SPTSSA: variants seen among roughly 807,000 people sequenced by gnomAD.
SPTSSA encodes the protein serine palmitoyltransferase small subunit A.
SPTSSA carries 8 observed loss-of-function variants against 9.1 expected under a neutral mutation model. The ratio of observed to expected loss-of-function variants is 0.88; its 90% CI spans 0.51 to 1.58. The LOEUF (loss-of-function observed/expected upper bound fraction) is 1.58, where lower values mean the gene tolerates loss of function less well. Among genes scored for constraint, SPTSSA ranks in the 40% most tolerant of loss-of-function variants. The pLI is 0.00. For synonymous variants in SPTSSA, 42 were observed against 37.7 expected, an observed-to-expected ratio of 1.11 and a Z score of -0.41; for missense variants, 100 against 93.8, an observed-to-expected ratio of 1.07 and a Z score of -0.27.
Position 34,443,541 on chromosome 14 carries a change from G to T in SPTSSA, c.113-8237C>A, listed in dbSNP as rs201507945. 3.6e-3 allele frequency among the ~76,000 whole-genome samples: 240 copies of T among 66,818 alleles called. 27 individuals carry two copies. The East Asian group carries it at 0.053, about 15-fold the overall frequency. The allele number at this position is 66,818 out of a possible 152,430, so 43.8% of individuals were successfully genotyped here. ...TGTGTGTGTGTGTGTGTGTGTGTGT[G>T]TGTGTGTGTTTTGAGATGGAGTTTT... On this transcript the variant is annotated intron_variant, in intron 1 of 1. Coordinates refer to ENST00000298130, the MANE Select transcript of SPTSSA (RefSeq NM_138288.4).
At chr14:34,445,073 G>C (rs1566423557) in intron 1 of SPTSSA, among the ~76,000 whole-genome samples, 1 of 151,896 alleles carries the variant, frequency 6.6e-6, no homozygotes. Flanking sequence ...CTGGGCAACA[G>C]AGCCAGGCTC....
intron 1 of SPTSSA, among the ~76,000 whole-genome samples, chr14:34,447,840 T>A (rs555054734): frequency 2.6e-5 from 4 of 152,328 alleles, no homozygotes; most frequent in African/African-American, 9.6e-5. Flanking sequence ...CCTCTGAAGT[T>A]CCCATTAAAT....
Position 34,435,245 on chromosome 14 carries a change from G to A in SPTSSA, c.172C>T (p.Gln58Ter), listed in dbSNP as rs1311538101. The A allele has an allele frequency of 6.2e-7, 1 of 1,613,712 alleles. No homozygotes were observed. ...ALYTGYVFMP[Q>*]HIMAILHYFE... ...TAGTGCAATATCGCCATGATGTGCT[G>A]GGGCATGAAGACGTATCCTGTGTAT... The change falls in exon 2 of 2, where the codon CAG becomes TAG. Residue 58 changes from glutamine to a stop codon, truncating the protein, a stop_gained. Coordinates refer to ENST00000298130, the MANE Select transcript of SPTSSA (RefSeq NM_138288.4). LOFTEE classifies it high-confidence loss of function.
chr14:34,455,658 G>A (rs1053786700), intron 1 of SPTSSA, among the ~76,000 whole-genome samples: 4 of 151,680 alleles, frequency 2.6e-5, no homozygotes, highest in Non-Finnish European at 4.4e-5. Context: ...TAGGCCAGGC[G>A]CGGTGGCTCA....
chr14:34,435,545 T>C (rs1490842545), intron 1 of SPTSSA, among the ~76,000 whole-genome samples: 2 of 151,946 alleles, frequency 1.3e-5, no homozygotes, highest in East Asian at 3.9e-4. Context: ...ACTATCACCA[T>C]ATAAAGTAAG....
In SPTSSA at chr14:34,435,210, G is replaced by A. The variant is rs374234347; in HGVS notation, c.207C>T (p.Ile69=). 9.4e-5 allele frequency: 152 copies of A among 1,612,748 alleles called. No individual in the cohort carries two copies. The highest frequency in any genetic ancestry group is 1.2e-4 in the Non-Finnish European group (142 of 1,179,290). The part of the protein sequence containing the change: ...HIMAILHYFE[I]VQ ...CCTGGTCGCATCTTGGTCATTGTAC[G>A]ATTTCAAAGTAGTGCAATATCGCCA... Residue 69 remains isoleucine (I), a synonymous_variant, in exon 2 of 2, where the codon ATC becomes ATT. Transcript: ENST00000298130.
At chr14:34,452,257 A>G (rs1883542645) in intron 1 of SPTSSA, among the ~76,000 whole-genome samples, 1 of 151,986 alleles carries the variant, frequency 6.6e-6, no homozygotes, top group South Asian at 2.1e-4. Context: ...AAAAAAAAAA[A>G]AAAAAAAAGA....
intron 1 of SPTSSA, among the ~76,000 whole-genome samples, chr14:34,449,503 C>CTTTTTTTTTTTTTTTT (rs35238717): frequency 1.6e-5 from 2 of 123,732 alleles, no homozygotes; most frequent in African/African-American, 6.2e-5. Flanking sequence ...CCCGGCCTCC[C>CTTTTTTTTTTTTTTTT]TTTTTTTTTT....
chr14:34,439,049 A>G (rs778686445), intron 1 of SPTSSA, among the ~76,000 whole-genome samples: 9 of 152,276 alleles, frequency 5.9e-5, no homozygotes, highest in South Asian at 2.1e-4. Context: ...TTTTATTTGA[A>G]GGGGAGTGAG....
At chr14:34,450,857 G>A (rs972837688) in intron 1 of SPTSSA, among the ~76,000 whole-genome samples, 2 of 152,090 alleles carry the variant, frequency 1.3e-5, no homozygotes, top group Non-Finnish European at 2.9e-5. Context: ...ACAATCAGAG[G>A]TTATTCATAA....
chr14:34,457,564 G>T (rs1476089490), intron 1 of SPTSSA, among the ~76,000 whole-genome samples: 1 of 152,138 alleles, frequency 6.6e-6, no homozygotes, highest in Non-Finnish European at 1.5e-5. Flanking sequence ...CTTAATGCAG[G>T]TGTCATGTCC....
intron 1 of SPTSSA, among the ~76,000 whole-genome samples, chr14:34,455,078 C>T (rs1883593457): frequency 6.6e-6 from 1 of 150,798 alleles, no homozygotes; most frequent in South Asian, 2.1e-4. Flanking sequence ...CAGATCAAGA[C>T]TCCATCTTGA....
intron 1 of SPTSSA, among the ~76,000 whole-genome samples, chr14:34,442,974 G>A (rs1236562050): frequency 6.6e-6 from 1 of 150,380 alleles, no homozygotes; most frequent in African/African-American, 2.5e-5. Flanking sequence ...GTGTGTGTGT[G>A]TGTGTGTGTG....
At chr14:34,450,112 G>A (rs1443670788) in intron 1 of SPTSSA, among the ~76,000 whole-genome samples, 3 of 152,130 alleles carry the variant, frequency 2.0e-5, no homozygotes, top group Non-Finnish European at 4.4e-5. Flanking sequence ...TATCTTTCAG[G>A]GTTGTGAGAA....
intron 1 of SPTSSA, among the ~76,000 whole-genome samples, chr14:34,460,592 A>C (rs893672936): frequency 1.3e-5 from 2 of 152,200 alleles, no homozygotes; most frequent in African/African-American, 4.8e-5. Flanking sequence ...TGTCAAATCT[A>C]TACTAGATTC....
At chr14:34,445,837 A>C (rs935527964) in intron 1 of SPTSSA, among the ~76,000 whole-genome samples, 4 of 152,228 alleles carry the variant, frequency 2.6e-5, no homozygotes, top group African/African-American at 9.6e-5. Flanking sequence ...AATTATGCTT[A>C]TTATGTTGTC....
chr14:34,454,008 T>G (rs1883569874), intron 1 of SPTSSA, among the ~76,000 whole-genome samples: 1 of 152,050 alleles, frequency 6.6e-6, no homozygotes, highest in African/African-American at 2.4e-5. Context: ...AGTGAGACCC[T>G]GTCTCTACTA....
At chr14:34,448,238 A>AG in intron 1 of SPTSSA, among the ~76,000 whole-genome samples, 1 of 152,026 alleles carries the variant, frequency 6.6e-6, no homozygotes, top group South Asian at 2.1e-4. Flanking sequence ...CCTGGGCAAC[A>AG]AGAGCAAAAA....
Position 34,434,137 on chromosome 14 carries a change from G to A in SPTSSA, c.*1064C>T, listed in dbSNP as rs540061236. On this transcript the variant is annotated 3_prime_UTR_variant, in exon 2 of 2. Transcript: ENST00000298130. ...TACTAGATCAATATTTAACCATCAAGGAAAAGATATACTGCTACATCAGCT... is the reference window on the plus strand; with the variant it reads ...TACTAGATCAATATTTAACCATCAAAGAAAAGATATACTGCTACATCAGCT... The A allele has an allele frequency of 1.1e-4, 16 of 149,276 alleles. No homozygotes were observed. The highest frequency in any genetic ancestry group is 3.5e-4 in the African/African-American group (14 of 40,428). 9.2% of individuals were successfully genotyped at this position (149,276 alleles called of 1,614,324 possible).
Sources: allele counts gnomAD v4.1 joint callset (sites outside exome capture counted in the v4.1 genomes callset), GRCh38; gene constraint gnomAD v4.1.1; transcripts MANE v1.5; gene names NCBI Gene and HGNC (gene_info 2026-07-23, HGNC 2026-07-21).